The following PRKCB variants were observed in gnomAD, a reference collection of about 807,000 sequenced individuals.
The protein encoded by PRKCB is protein kinase C beta type.
In PRKCB, 13 loss-of-function variants were observed where a neutral mutation model predicts 81.5. That is an observed-to-expected ratio of 0.16 (90% CI 0.10 to 0.25). The LOEUF (loss-of-function observed/expected upper bound fraction) is 0.25. Among genes scored for constraint, PRKCB ranks in the 10% least tolerant of loss-of-function variants. The pLI is 1.00. For synonymous variants in PRKCB, 335 were observed against 321.4 expected (o/e 1.04, Z -0.45); for missense variants, 509 against 875.7 (o/e 0.58, Z 5.29).
Position 23,988,538 on chromosome 16 carries a change from A to G in PRKCB, c.236A>G (p.His79Arg). Reference sequence around the variant, plus strand: ...TGCTTTGTGGTGCACAAGCGGTGCCATGAATTTGTCACATTCTCCTGCCCT... The same window carrying G: ...TGCTTTGTGGTGCACAAGCGGTGCCGTGAATTTGTCACATTCTCCTGCCCT... ...VCCFVVHKRC[H>R]EFVTFSCPGA... The change falls in exon 3 of 17, where the codon CAT (histidine) becomes CGT (arginine). Residue 79 changes from histidine (H) to arginine (R), a missense_variant. This residue lies in a region of PRKCB where 184 missense variants were observed against 362.9 expected (regional missense o/e 0.51). Transcript: ENST00000643927. The G allele has an allele frequency of 1.2e-6, 2 of 1,613,972 alleles. No homozygotes were observed. Among genetic ancestry groups the G allele is most frequent in the Non-Finnish European group, 1.7e-6 (2 of 1,179,978 alleles).
At chr16:24,083,987 G>A (rs936780731) in intron 5 of PRKCB, among the ~76,000 whole-genome samples, 11 of 152,046 alleles carry the variant, frequency 7.2e-5, no homozygotes, top group African/African-American at 2.7e-4. Flanking sequence ...AAGAAAGAAG[G>A]TTGTCATGTT....
chr16:24,203,197 A>T (rs1273972581), intron 16 of PRKCB: 1 of 149,266 alleles, frequency 6.7e-6, no homozygotes, highest in Non-Finnish European at 1.5e-5. Flanking sequence ...TGCAGACTCG[A>T]CCTCCCAGGC....
intron 2 of PRKCB, among the ~76,000 whole-genome samples, chr16:23,898,351 G>A (rs985570265): frequency 6.6e-6 from 1 of 152,134 alleles, no homozygotes; most frequent in Non-Finnish European, 1.5e-5. Flanking sequence ...ATAGGCGTGA[G>A]CCACCGCACT....
At chr16:23,923,979 G>A (rs775263002) in intron 2 of PRKCB, among the ~76,000 whole-genome samples, 4 of 152,060 alleles carry the variant, frequency 2.6e-5, no homozygotes, top group Admixed American at 6.5e-5. Context: ...ACTGCCAAGC[G>A]TGTATCACTG....
chr16:23,881,253 G>GT (rs35846626), intron 2 of PRKCB, among the ~76,000 whole-genome samples: 69,342 of 136,276 alleles, frequency 0.51, 17,909 homozygotes, highest in East Asian at 0.61. Context: ...TCTTTTCCCA[G>GT]TTTTTTTTTT....
chr16:24,096,663 AAAAATATATATATATATATATATATAT>A (rs1966445315), intron 7 of PRKCB, among the ~76,000 whole-genome samples: 7 of 49,660 alleles, frequency 1.4e-4, no homozygotes, highest in Middle Eastern at 0.019. Context: ...AAAAAAAAAA[AAAAATATATATATATATATATATATAT>A]ATATATATAT....
chr16:23,855,187 G>A (rs1465825470), intron 2 of PRKCB, among the ~76,000 whole-genome samples: 1 of 152,040 alleles, frequency 6.6e-6, no homozygotes, highest in African/African-American at 2.4e-5. Flanking sequence ...AGAGAGAGGC[G>A]TGTGAGTGAG....
Position 23,875,998 on chromosome 16 carries a change from G to A in PRKCB, c.205+38592G>A, listed in dbSNP as rs371954308. On this transcript the variant is annotated intron_variant, in intron 2 of 16. Coordinates refer to ENST00000643927, the MANE Select transcript of PRKCB (RefSeq NM_002738.7). The stretch of plus-strand genomic sequence containing the variant: ...ATGGGCTCCCCTAGTCATGCTATAT[G>A]CCTCATTTTATGTGACTGGCCGGGC... 5.0e-4 allele frequency among the ~76,000 whole-genome samples: 76 copies of A among 152,238 alleles called. 1 individual carries two copies. In the East Asian group the frequency reaches 0.01, roughly 21 times the overall value.
At chr16:24,039,522 G>T (rs11074600) in intron 5 of PRKCB, among the ~76,000 whole-genome samples, 16,338 of 152,256 alleles carry the variant, frequency 0.11, 1,104 homozygotes, top group African/African-American at 0.17. Flanking sequence ...GAGCCACTGT[G>T]CCGGCCTAAA....
At chr16:24,027,658 T>C (rs1965498800) in intron 3 of PRKCB, among the ~76,000 whole-genome samples, 1 of 152,182 alleles carries the variant, frequency 6.6e-6, no homozygotes, top group African/African-American at 2.4e-5. Context: ...GTGGGAACGT[T>C]GTGAAAGAAA....
intron 2 of PRKCB, among the ~76,000 whole-genome samples, chr16:23,866,967 TCCC>T (rs1211863066): frequency 2.8e-4 from 25 of 88,910 alleles, no homozygotes; most frequent in Non-Finnish European, 4.4e-4. Context: ...TTCCCTTCCT[TCCC>T]TTCCTTCCCT....
chr16:24,042,965 T>C (rs918047193), intron 5 of PRKCB, among the ~76,000 whole-genome samples: 4 of 152,098 alleles, frequency 2.6e-5, no homozygotes, highest in African/African-American at 9.7e-5. Context: ...TTGAACTCCA[T>C]GGTTCAAGCA....
At chr16:24,041,052 A>ATTTT (rs1567353858) in intron 5 of PRKCB, among the ~76,000 whole-genome samples, 2 of 104,088 alleles carry the variant, frequency 1.9e-5, no homozygotes, top group African/African-American at 6.7e-5. Flanking sequence ...ATGCAACAAT[A>ATTTT]ATTTTTTTTG....
At chr16:23,877,004 A>G (rs996782675) in intron 2 of PRKCB, among the ~76,000 whole-genome samples, 4 of 152,104 alleles carry the variant, frequency 2.6e-5, no homozygotes, top group African/African-American at 9.7e-5. Context: ...GGAGGGATGG[A>G]CAGAGATGTG....
intron 2 of PRKCB, among the ~76,000 whole-genome samples, chr16:23,894,432 A>G (rs1472266138): frequency 6.6e-6 from 1 of 152,220 alleles, no homozygotes; most frequent in African/African-American, 2.4e-5. Flanking sequence ...GAGAAATTGT[A>G]ACTAATTTAC....
intron 2 of PRKCB, among the ~76,000 whole-genome samples, chr16:23,957,404 G>A (rs1370971353): frequency 6.6e-6 from 1 of 152,148 alleles, no homozygotes; most frequent in African/African-American, 2.4e-5. Context: ...GGAAGGAAAT[G>A]TTGTTTTCTG....
intron 2 of PRKCB, among the ~76,000 whole-genome samples, chr16:23,876,356 C>T (rs1055176403): frequency 6.6e-6 from 1 of 152,204 alleles, no homozygotes; most frequent in Admixed American, 6.5e-5. Context: ...GAGAAGACAG[C>T]ATATTTTCCG....
intron 2 of PRKCB, among the ~76,000 whole-genome samples, chr16:23,938,841 T>C (rs892446293): frequency 1.3e-5 from 2 of 152,220 alleles, no homozygotes; most frequent in Admixed American, 6.5e-5. Flanking sequence ...CATAGTGCTG[T>C]ATGTTCCTGT....
chr16:23,986,635 T>C (rs147091088), intron 2 of PRKCB, among the ~76,000 whole-genome samples: 194 of 152,318 alleles, frequency 1.3e-3, no homozygotes, highest in Non-Finnish European at 2.4e-3. Flanking sequence ...ATATCAATAA[T>C]CTTTTGAGGA....
Sources: gnomAD v4.1 joint callset for allele counts (sites outside exome capture counted in the v4.1 genomes callset) on GRCh38, gnomAD v4.1.1 for gene constraint, gnomAD v4.1.1 regional missense constraint, MANE v1.5 for transcripts, NCBI Gene and HGNC (gene_info 2026-07-23, HGNC 2026-07-21) for gene names.